The following FTO variants were observed in gnomAD, a reference collection of about 807,000 sequenced individuals.
The protein encoded by FTO is FTO alpha-ketoglutarate dependent dioxygenase.
Under a neutral mutation model 63.9 loss-of-function variants are expected in FTO, and 47 were observed. That is an observed-to-expected ratio of 0.74 (90% CI 0.58 to 0.94). The LOEUF is 0.94. FTO is among the 40% of genes least tolerant of loss of function. The probability of loss-of-function intolerance (pLI) is 0.00; values close to 1 mark genes in which losing one functional copy is unlikely to be tolerated. For missense variants in FTO, 562 were observed against 618.1 expected, an observed-to-expected ratio of 0.91 and a Z score of 0.96; for synonymous variants, 207 against 224.4, an observed-to-expected ratio of 0.92 and a Z score of 0.69.
chr16:53,879,516 C>A (rs934125439), intron 5 of FTO, among the ~76,000 whole-genome samples: 1 of 151,752 alleles, frequency 6.6e-6, no homozygotes, highest in East Asian at 1.9e-4. Context: ...TCTCTCTCTA[C>A]AAAATAAAAA....
At chr16:54,001,371 C>T (rs1160225170) in intron 8 of FTO, among the ~76,000 whole-genome samples, 4 of 152,106 alleles carry the variant, frequency 2.6e-5, no homozygotes, top group African/African-American at 4.8e-5. Context: ...GTGGTATCTT[C>T]GTCTTCTGAG....
intron 8 of FTO, among the ~76,000 whole-genome samples, chr16:54,032,407 G>A (rs2084852699): frequency 6.6e-6 from 1 of 152,140 alleles, no homozygotes; most frequent in African/African-American, 2.4e-5. Flanking sequence ...AGGTTTTAAA[G>A]ATACAGCCAT....
intron 8 of FTO, among the ~76,000 whole-genome samples, chr16:53,972,917 T>C (rs2083360671): frequency 6.6e-6 from 1 of 152,334 alleles, no homozygotes; most frequent in Non-Finnish European, 1.5e-5. Flanking sequence ...TCTGGAGATA[T>C]TGTGACCTCT....
chr16:53,897,747 G>T (rs2081309158), intron 7 of FTO, among the ~76,000 whole-genome samples: 1 of 152,108 alleles, frequency 6.6e-6, no homozygotes, highest in Non-Finnish European at 1.5e-5. Flanking sequence ...TTTGGGAAGG[G>T]TGGGCAGTAT....
At chr16:53,789,753 C>CAT (rs143403033) in intron 1 of FTO, among the ~76,000 whole-genome samples, 1,483 of 147,082 alleles carry the variant, frequency 0.01, 20 homozygotes, top group East Asian at 0.036. Context: ...CTGGAACATA[C>CAT]ATATATATAT....
At chr16:53,818,385 A>G (rs1036906838) in intron 2 of FTO, among the ~76,000 whole-genome samples, 6 of 152,224 alleles carry the variant, frequency 3.9e-5, no homozygotes, top group African/African-American at 1.4e-4. Context: ...TGAACAACAG[A>G]TTTAAATAGT....
At chr16:53,906,561 A>G (rs1041411577) in intron 7 of FTO, among the ~76,000 whole-genome samples, 4 of 152,214 alleles carry the variant, frequency 2.6e-5, no homozygotes, top group African/African-American at 7.2e-5. Flanking sequence ...GAAACAGACT[A>G]TGAAAGCTTG....
chr16:53,773,286 T>C (rs988195837), intron 1 of FTO, among the ~76,000 whole-genome samples: 1 of 152,114 alleles, frequency 6.6e-6, no homozygotes. Context: ...GTGGAAGATA[T>C]TGTCAGTTTC....
intron 8 of FTO, among the ~76,000 whole-genome samples, chr16:53,967,911 T>A (rs545765076): frequency 1.3e-5 from 2 of 152,250 alleles, no homozygotes; most frequent in East Asian, 1.9e-4. Context: ...AATGGAGTTG[T>A]GTGGTTTAAA....
chr16:53,955,632 C>T (rs561543580), intron 8 of FTO, among the ~76,000 whole-genome samples: 3 of 152,288 alleles, frequency 2.0e-5, no homozygotes, highest in South Asian at 2.1e-4. Context: ...CGGAAAGTTT[C>T]CACTGTGTGG....
chr16:53,878,322 G>A (rs2080725728), intron 5 of FTO, among the ~76,000 whole-genome samples: 1 of 152,068 alleles, frequency 6.6e-6, no homozygotes, highest in Non-Finnish European at 1.5e-5. Context: ...AAGTGTTGTT[G>A]TAGAGGTTGC....
chr16:53,770,622 C>T (rs959052975), intron 1 of FTO, among the ~76,000 whole-genome samples: 1 of 152,092 alleles, frequency 6.6e-6, no homozygotes, highest in Non-Finnish European at 1.5e-5. Context: ...ATTTCAAGCT[C>T]AGAAAATTTC....
intron 7 of FTO, among the ~76,000 whole-genome samples, chr16:53,899,145 G>T (rs2081343297): frequency 6.6e-6 from 1 of 151,964 alleles, no homozygotes; most frequent in South Asian, 2.1e-4. Context: ...AGGGCACAGA[G>T]GACAGTCTTG....
Position 54,120,279 on chromosome 16 carries a change from A to G in FTO, c.*8364A>G, listed in dbSNP as rs1188183361. ...GAAGGGCCAGATGAGGAAGCTAGCCAAGGCCACAGGCCTTCCTTTGACTGC... is the reference window on the plus strand; with the variant it reads ...GAAGGGCCAGATGAGGAAGCTAGCCGAGGCCACAGGCCTTCCTTTGACTGC... On this transcript the variant is annotated 3_prime_UTR_variant, in exon 9 of 9. Coordinates refer to ENST00000471389, the MANE Select transcript of FTO (RefSeq NM_001080432.3). 1 of 152,286 alleles carries G rather than the reference A, an allele frequency of 6.6e-6. No individual in the cohort carries two copies. The highest frequency in any genetic ancestry group is 1.5e-5 in the Non-Finnish European group (1 of 68,090). The allele number at this position is 152,286 out of a possible 1,614,324, so 9.4% of individuals were successfully genotyped here. A position where few individuals can be genotyped will look rare whatever the true frequency, so the allele number is the denominator to read the frequency against.
At chr16:54,085,251 G>C (rs952566259) in intron 8 of FTO, among the ~76,000 whole-genome samples, 1 of 152,164 alleles carries the variant, frequency 6.6e-6, no homozygotes, top group African/African-American at 2.4e-5. Flanking sequence ...CTACAGGCAT[G>C]ACAATTCCAA....
chr16:54,096,074 G>A (rs2086510451), intron 8 of FTO, among the ~76,000 whole-genome samples: 1 of 152,008 alleles, frequency 6.6e-6, no homozygotes, highest in East Asian at 1.9e-4. Flanking sequence ...TTCTCTACTG[G>A]ATCTCTAGAT....
intron 8 of FTO, among the ~76,000 whole-genome samples, chr16:53,972,736 C>T (rs2083354301): frequency 1.3e-5 from 2 of 152,182 alleles, no homozygotes; most frequent in Non-Finnish European, 2.9e-5. Context: ...ATTTTAGGTA[C>T]ATCCATCCCT....
intron 8 of FTO, among the ~76,000 whole-genome samples, chr16:53,988,641 A>T (rs1414970979): frequency 6.6e-6 from 1 of 152,198 alleles, no homozygotes. Context: ...TCCTTAAGGC[A>T]GACTCATAGG....
chr16:53,927,799 T>G (rs1258087006), intron 7 of FTO, among the ~76,000 whole-genome samples: 1 of 152,148 alleles, frequency 6.6e-6, no homozygotes, highest in African/African-American at 2.4e-5. Context: ...GATAAAGAGA[T>G]AAAGATTTTC....
Sources: allele counts gnomAD v4.1 joint callset (sites outside exome capture counted in the v4.1 genomes callset), GRCh38; gene constraint gnomAD v4.1.1; transcripts MANE v1.5; gene names NCBI Gene and HGNC (gene_info 2026-07-23, HGNC 2026-07-21).